Variants in EYA4 observed in about 807,000 individuals in gnomAD.
EYA4 encodes protein phosphatase EYA4.
Under a neutral mutation model 87.9 loss-of-function variants are expected in EYA4, and 31 were observed. The observed-to-expected ratio is 0.35, with a 90% confidence interval of 0.27 to 0.48. The LOEUF is 0.48. Among genes scored for constraint, EYA4 ranks in the 20% least tolerant of loss-of-function variants. The pLI is 0.99. For synonymous variants in EYA4, 263 were observed against 270.6 expected (o/e 0.97, Z 0.28); for missense variants, 678 against 761.4 (o/e 0.89, Z 1.29).
rs569987812 is a variant in EYA4, at chr6:133,531,846, T to C, written c.*3041T>C. On this transcript the variant is annotated 3_prime_UTR_variant, in exon 20 of 20. Transcript: ENST00000355286. ...GTTTTTTTTAAAGCACATTTGTTTA[T>C]GACAAGCCTACATTCTCAGTGAATA... is the stretch of plus-strand genomic sequence containing the variant. 6.6e-6 allele frequency: 1 copy of C among 152,354 alleles called. No homozygotes were observed. Among genetic ancestry groups the C allele is most frequent in the East Asian group, 1.9e-4 (1 of 5,174 alleles). The allele number at this position is 152,354 out of a possible 1,614,324, so 9.4% of individuals were successfully genotyped here. A position where few individuals can be genotyped will look rare whatever the true frequency, so the allele number is the denominator to read the frequency against.
rs563223116 is a variant in EYA4, at chr6:133,316,648, A to G, written c.33+41835A>G. Among the ~76,000 whole-genome samples the G allele has an allele frequency of 2.7e-4, 41 of 152,322 alleles. No homozygotes were observed. In the South Asian group the frequency reaches 6.4e-3, roughly 24 times the overall value. On this transcript the variant is annotated intron_variant, in intron 2 of 19. Coordinates refer to ENST00000355286, the MANE Select transcript of EYA4 (RefSeq NM_004100.5). ...CTCTTTGGCCCTGCTGTACTTGTAC[A>G]TGGCTATTTATTCATACTGTGTTTT... is the stretch of plus-strand genomic sequence containing the variant.
At chr6:133,265,273 T>C (rs1463063364) in intron 1 of EYA4, among the ~76,000 whole-genome samples, 5 of 151,750 alleles carry the variant, frequency 3.3e-5, no homozygotes, top group Non-Finnish European at 7.4e-5. Flanking sequence ...GCAAAAATAA[T>C]TGCGGTTTTT....
At chr6:133,279,761 C>A (rs73557742) in intron 2 of EYA4, among the ~76,000 whole-genome samples, 6,827 of 152,056 alleles carry the variant, frequency 0.045, 543 homozygotes, top group African/African-American at 0.16. Flanking sequence ...TTGATTATAG[C>A]CACTAGCCCA....
At position 133,456,583 on chromosome 6, in the gene EYA4, C is replaced by T. The variant is rs1378777738; in HGVS notation, c.305C>T (p.Pro102Leu). The T allele has an allele frequency of 5.6e-6, 9 of 1,613,102 alleles. No individual in the cohort carries two copies. Among genetic ancestry groups the T allele is most frequent in the Non-Finnish European group, 7.6e-6 (9 of 1,179,304 alleles). ...TMSLLAVKTE[P>L]LNSSETTATT... ...TCTCTTCTTGCAGTCAAAACAGAGCCCTTGAACAGCAGTGAAACCACAGCC... is the reference window on the plus strand; with the variant it reads ...TCTCTTCTTGCAGTCAAAACAGAGCTCTTGAACAGCAGTGAAACCACAGCC... Residue 102 changes from proline to leucine, a missense_variant, in exon 6 of 20, where the codon CCC (proline) becomes CTC (leucine). Transcript: ENST00000355286.
At chr6:133,447,646 G>A (rs1792984436) in intron 4 of EYA4, among the ~76,000 whole-genome samples, 2 of 151,900 alleles carry the variant, frequency 1.3e-5, no homozygotes, top group South Asian at 2.1e-4. Context: ...TTAGAATAAC[G>A]ATGCAATCTA....
At chr6:133,472,278 A>G (rs1437855505) in intron 11 of EYA4, among the ~76,000 whole-genome samples, 3 of 81,080 alleles carry the variant, frequency 3.7e-5, no homozygotes, top group African/African-American at 1.9e-4. Flanking sequence ...CGTCCCAGAG[A>G]TTCTGGTATG....
chr6:133,381,821 A>G (rs1786251835), intron 2 of EYA4, among the ~76,000 whole-genome samples: 1 of 152,164 alleles, frequency 6.6e-6, no homozygotes, highest in South Asian at 2.1e-4. Context: ...CTCATCCTTT[A>G]CCTCTGTGGG....
At chr6:133,348,735 C>G (rs1340817470) in intron 2 of EYA4, among the ~76,000 whole-genome samples, 7 of 152,052 alleles carry the variant, frequency 4.6e-5, no homozygotes, top group Non-Finnish European at 1.5e-5. Flanking sequence ...TAAAATATAA[C>G]CAGAATTTAA....
At chr6:133,242,252 C>T (rs1774011320) in intron 1 of EYA4, among the ~76,000 whole-genome samples, 1 of 152,196 alleles carries the variant, frequency 6.6e-6, no homozygotes, top group African/African-American at 2.4e-5. Context: ...GGCGCCTGGG[C>T]TTTCCCGGTG....
chr6:133,382,962 G>GAATTTAGC (rs1786362844), intron 3 of EYA4, among the ~76,000 whole-genome samples: 1 of 152,260 alleles, frequency 6.6e-6, no homozygotes, highest in African/African-American at 2.4e-5. Flanking sequence ...CTTCATATAG[G>GAATTTAGC]AATTTAGCAC....
At chr6:133,420,786 G>A (rs1790152528) in intron 3 of EYA4, among the ~76,000 whole-genome samples, 1 of 152,212 alleles carries the variant, frequency 6.6e-6, no homozygotes, top group Non-Finnish European at 1.5e-5. Flanking sequence ...TTTGCTACAT[G>A]CAGACAGATA....
At chr6:133,481,896 A>G (rs977250880) in intron 12 of EYA4, among the ~76,000 whole-genome samples, 1 of 152,192 alleles carries the variant, frequency 6.6e-6, no homozygotes, top group African/African-American at 2.4e-5. Context: ...AACTATAGCC[A>G]TTGTTTGTGG....
At chr6:133,245,429 A>G (rs1774327575) in intron 1 of EYA4, among the ~76,000 whole-genome samples, 1 of 152,180 alleles carries the variant, frequency 6.6e-6, no homozygotes, top group African/African-American at 2.4e-5. Context: ...ACATGTACTA[A>G]ATGCTAAACT....
At chr6:133,499,902 G>A (rs754200463) in intron 13 of EYA4, among the ~76,000 whole-genome samples, 2 of 151,892 alleles carry the variant, frequency 1.3e-5, no homozygotes, top group Non-Finnish European at 2.9e-5. Context: ...CTTAACTCTT[G>A]GAAAGCCAGA....
chr6:133,250,128 T>C (rs1774766740), intron 1 of EYA4, among the ~76,000 whole-genome samples: 1 of 152,160 alleles, frequency 6.6e-6, no homozygotes, highest in Admixed American at 6.5e-5. Flanking sequence ...AATAACAACC[T>C]CAGGGAGTTT....
intron 1 of EYA4, among the ~76,000 whole-genome samples, chr6:133,243,089 C>CGTGTGTGT (rs3065226): frequency 0.071 from 10,299 of 145,364 alleles, 403 homozygotes; most frequent in Middle Eastern, 0.12. Context: ...GGAGCAACTT[C>CGTGTGTGT]GTGTGTGTGT....
intron 2 of EYA4, 133 bp from the exon 3 acceptor site, chr6:133,382,259 C>A: frequency 1.3e-6 from 1 of 756,000 alleles, no homozygotes. Context: ...GTACTGTATG[C>A]TGCTGCTGTA....
chr6:133,241,143 C>T (rs888749732), upstream of EYA4, among the ~76,000 whole-genome samples: 10 of 152,196 alleles, frequency 6.6e-5, no homozygotes, highest in African/African-American at 2.4e-4. Flanking sequence ...AGATCGCAAA[C>T]CATGACAATA....
intron 3 of EYA4, among the ~76,000 whole-genome samples, chr6:133,415,030 T>C (rs1033948622): frequency 4.6e-5 from 7 of 152,208 alleles, no homozygotes; most frequent in Non-Finnish European, 8.8e-5. Flanking sequence ...GTAAATCTTA[T>C]TGTCCTGTTT....
Sources: gnomAD v4.1 joint callset for allele counts (sites outside exome capture counted in the v4.1 genomes callset) on GRCh38, gnomAD v4.1.1 for gene constraint, MANE v1.5 for transcripts, NCBI Gene and HGNC (gene_info 2026-07-23, HGNC 2026-07-21) for gene names.